SLC4A4: variants seen among roughly 807,000 people sequenced by gnomAD.
SLC4A4 encodes the protein electrogenic sodium bicarbonate cotransporter 1.
Under a neutral mutation model 111.5 loss-of-function variants are expected in SLC4A4, and 27 were observed. The ratio of observed to expected loss-of-function variants is 0.24; its 90% CI spans 0.18 to 0.33. The LOEUF is 0.33. Among genes scored for constraint, SLC4A4 ranks in the 10% least tolerant of loss-of-function variants. SLC4A4 has a pLI of 1.00. For missense variants in SLC4A4, 909 were observed against 1,315.5 expected (o/e 0.69, Z 4.78); for synonymous variants, 443 against 463.4 (o/e 0.96, Z 0.57).
At chr4:71,208,362 C>T (rs547188012) in intron 1 of SLC4A4, among the ~76,000 whole-genome samples, 2,379 of 150,842 alleles carry the variant, frequency 0.016, 62 homozygotes, top group African/African-American at 0.055. Flanking sequence ...ACCCGGGAGG[C>T]GGAGCTTGCA....
chr4:71,307,998 G>A (rs1357006449), intron 3 of SLC4A4, among the ~76,000 whole-genome samples: 1 of 152,034 alleles, frequency 6.6e-6, no homozygotes, highest in Non-Finnish European at 1.5e-5. Context: ...GCCACTCCCT[G>A]CTTGCAGCCC....
chr4:71,128,579 C>A (rs1743620221), intron 2 of SLC4A4, among the ~76,000 whole-genome samples: 1 of 152,118 alleles, frequency 6.6e-6, no homozygotes, highest in Non-Finnish European at 1.5e-5. Flanking sequence ...ACCTCTGCCT[C>A]CCAGGTTCAA....
chr4:71,076,462 G>C (rs13119740), intron 1 of SLC4A4, among the ~76,000 whole-genome samples: 12,249 of 151,882 alleles, frequency 0.081, 582 homozygotes, highest in South Asian at 0.13. Flanking sequence ...AACCCGGGAG[G>C]AGGAGGTTGC....
intron 16 of SLC4A4, among the ~76,000 whole-genome samples, chr4:71,520,642 T>G (rs1732841573): frequency 6.6e-6 from 1 of 152,252 alleles, no homozygotes; most frequent in Admixed American, 6.5e-5. Flanking sequence ...AGGAGTTTTC[T>G]GGCTCCATTT....
chr4:71,184,723 C>T (rs1745397605), upstream of SLC4A4, among the ~76,000 whole-genome samples: 1 of 152,012 alleles, frequency 6.6e-6, no homozygotes, highest in Non-Finnish European at 1.5e-5. Context: ...GAGAGGTGAA[C>T]AAAAATCTCA....
chr4:71,163,323 T>G (rs1236093978), intron 2 of SLC4A4, among the ~76,000 whole-genome samples: 4 of 152,224 alleles, frequency 2.6e-5, no homozygotes, highest in African/African-American at 9.6e-5. Context: ...ATCAGCCACA[T>G]TTTAATTTAG....
chr4:71,447,620 C>T (rs780069690), intron 8 of SLC4A4, 26 bp from the exon 9 acceptor site: 10 of 1,386,368 alleles, frequency 7.2e-6, no homozygotes, highest in Non-Finnish European at 6.2e-6. Context: ...TGTGTTATAG[C>T]CTTTGCTTCT....
At chr4:71,119,651 T>C (rs80010845) in intron 2 of SLC4A4, among the ~76,000 whole-genome samples, 3,152 of 152,300 alleles carry the variant, frequency 0.021, 116 homozygotes, top group African/African-American at 0.073. Flanking sequence ...AAAAATTTAT[T>C]CTATTTGGGA....
At chr4:71,128,005 G>T (rs1743603874) in intron 2 of SLC4A4, among the ~76,000 whole-genome samples, 1 of 152,222 alleles carries the variant, frequency 6.6e-6, no homozygotes, top group African/African-American at 2.4e-5. Flanking sequence ...AAGATCGCTT[G>T]AGCGTGGGAG....
intron 5 of SLC4A4, among the ~76,000 whole-genome samples, chr4:71,356,664 A>C (rs1447694113): frequency 6.6e-6 from 1 of 152,156 alleles, no homozygotes; most frequent in African/African-American, 2.4e-5. Flanking sequence ...TATATTTCTG[A>C]TATACATTTG....
In SLC4A4 at chr4:71,162,324, C is replaced by G. The variant is rs147300293; in HGVS notation, c.-2+69532C>G. Among the ~76,000 whole-genome samples, 4 of 152,282 alleles carry G rather than the reference C, an allele frequency of 2.6e-5. No individual in the cohort carries two copies. In the East Asian group the frequency reaches 7.7e-4, roughly 29 times the overall value. On this transcript the variant is annotated intron_variant, in intron 2 of 26. Transcript: ENST00000649996. ...GAGCCATGCTTTGAATCCAGGGTGG[C>G]CTGACTCCAAAGCGCATGCCCTTTC...
intron 2 of SLC4A4, among the ~76,000 whole-genome samples, chr4:71,099,817 A>G (rs1042827159): frequency 3.3e-5 from 5 of 152,234 alleles, no homozygotes; most frequent in African/African-American, 1.2e-4. Flanking sequence ...AGAAGCTACT[A>G]TAAACACCTC....
chr4:71,509,170 G>A (rs1297667193), intron 16 of SLC4A4, among the ~76,000 whole-genome samples: 1 of 152,202 alleles, frequency 6.6e-6, no homozygotes, highest in Non-Finnish European at 1.5e-5. Flanking sequence ...AAGGCTGTAA[G>A]CATTCTCCTT....
chr4:71,530,836 C>T (rs1578124865), intron 16 of SLC4A4, among the ~76,000 whole-genome samples: 1 of 152,246 alleles, frequency 6.6e-6, no homozygotes, highest in Middle Eastern at 3.4e-3. Flanking sequence ...CCTTTGTCTT[C>T]AGAGGCGTGC....
intron 16 of SLC4A4, among the ~76,000 whole-genome samples, chr4:71,497,941 A>C (rs539301729): frequency 6.6e-6 from 1 of 152,254 alleles, no homozygotes; most frequent in East Asian, 1.9e-4. Flanking sequence ...GAATGTGCTG[A>C]AAGGAAAAAA....
At chr4:71,211,176 CT>C (rs1015227969) in intron 1 of SLC4A4, among the ~76,000 whole-genome samples, 5 of 152,170 alleles carry the variant, frequency 3.3e-5, no homozygotes, top group African/African-American at 1.2e-4. Context: ...AACAGTTTAT[CT>C]TTTTATAATT....
Position 71,157,578 on chromosome 4 carries a change from A to C in SLC4A4, c.-2+64786A>C, listed in dbSNP as rs565347879. 6.4e-4 allele frequency among the ~76,000 whole-genome samples: 98 copies of C among 152,192 alleles called. 1 individual carries two copies. Among genetic ancestry groups the C allele is most frequent in the Non-Finnish European group, 1.3e-4 (9 of 68,022 alleles). ...ATTTTTGCATACATTATAGAATGTA[A>C]TGTACAAATTCATAGCTCTGAAATT... On this transcript the variant is annotated intron_variant, in intron 2 of 26. Transcript: ENST00000649996.
chr4:71,337,456 T>G (rs1728522145), intron 3 of SLC4A4, among the ~76,000 whole-genome samples: 1 of 152,196 alleles, frequency 6.6e-6, no homozygotes, highest in South Asian at 2.1e-4. Context: ...GAGTGGTATT[T>G]CATTGTGTAG....
At chr4:71,515,547 A>T (rs897210694) in intron 16 of SLC4A4, among the ~76,000 whole-genome samples, 15 of 152,310 alleles carry the variant, frequency 9.8e-5, no homozygotes, top group South Asian at 4.1e-4. Context: ...AATCTAGATT[A>T]TCTATTTAAT....
Sources: allele counts gnomAD v4.1 joint callset (sites outside exome capture counted in the v4.1 genomes callset), GRCh38; gene constraint gnomAD v4.1.1; transcripts MANE v1.5; gene names NCBI Gene and HGNC (gene_info 2026-07-23, HGNC 2026-07-21).